The following FRYL variants were observed in gnomAD, a reference collection of about 807,000 sequenced individuals.
The protein encoded by FRYL is FRY like transcription coactivator.
FRYL carries 150 observed loss-of-function variants against 351.2 expected under a neutral mutation model. That is an observed-to-expected ratio of 0.43 (90% CI 0.37 to 0.49). FRYL has a LOEUF of 0.49. Among genes scored for constraint, FRYL ranks in the 20% least tolerant of loss-of-function variants. FRYL has a pLI of 0.00. For synonymous variants in FRYL, 1,153 were observed against 1,257.1 expected, an observed-to-expected ratio of 0.92 and a Z score of 1.75; for missense variants, 3,036 against 3,619.3, an observed-to-expected ratio of 0.84 and a Z score of 4.13.
At chr4:48,626,620 C>T (rs1751880318) in intron 4 of FRYL, among the ~76,000 whole-genome samples, 1 of 152,020 alleles carries the variant, frequency 6.6e-6, no homozygotes. Context: ...TTTATAAGTA[C>T]ATGATAATTG....
intron 7 of FRYL, among the ~76,000 whole-genome samples, chr4:48,610,706 ATATATATTATATACATATAT>A (rs1434989615): frequency 6.9e-6 from 1 of 144,586 alleles, no homozygotes; most frequent in Non-Finnish European, 1.5e-5. Context: ...TATTATATAC[ATATATATTATATACATATAT>A]TATATACATG....
intron 56 of FRYL, among the ~76,000 whole-genome samples, chr4:48,513,448 A>G (rs1012805855): frequency 4.6e-5 from 7 of 152,222 alleles, no homozygotes; most frequent in African/African-American, 1.7e-4. Context: ...AAAAATGAAC[A>G]ATGGAAAAAG....
rs776530274 is a variant in FRYL at position 48,623,184 on chromosome 4, G to T, written c.121-5C>A. Reference sequence around the variant, plus strand: ...AGATCTGGACAATAGCTTCTCCTATGATTAAAAAAAACAAACATTAAAAAT... The same window carrying T: ...AGATCTGGACAATAGCTTCTCCTATTATTAAAAAAAACAAACATTAAAAAT... On this transcript the variant is annotated splice_polypyrimidine_tract_variant and splice_region_variant and intron_variant, in intron 4 of 63. Coordinates refer to ENST00000358350, the MANE Select transcript of FRYL (RefSeq NM_015030.2). 7.2e-6 allele frequency: 10 copies of T among 1,381,750 alleles called. No homozygotes were observed. Among genetic ancestry groups the T allele is most frequent in the Non-Finnish European group, 8.9e-6 (9 of 1,009,936 alleles). The allele number at this position is 1,381,750 out of a possible 1,614,324, so 85.6% of individuals were successfully genotyped here. A position where few individuals can be genotyped will look rare whatever the true frequency, so the allele number is the denominator to read the frequency against.
rs1250688371 is a variant in FRYL, at chr4:48,547,605, G to A, written c.5053C>T (p.His1685Tyr). The change falls in exon 41 of 64, where the codon CAC becomes TAC. Residue 1685 changes from histidine to tyrosine, a missense_variant. His to Tyr is a moderately conservative substitution (Grantham distance 83, BLOSUM62 2). Coordinates refer to ENST00000358350, the MANE Select transcript of FRYL (RefSeq NM_015030.2). ...PRVLTVKQVA[H>Y]LDYNFTAGIN... ...ATACCTGTGAAATTATAATCTAAGT[G>A]TGCAACTTGTTTGACTGTAAGCACC... 10 of 1,570,540 alleles carry A rather than the reference G, an allele frequency of 6.4e-6. No homozygotes were observed. The highest frequency in any genetic ancestry group is 8.7e-6 in the Non-Finnish European group (10 of 1,151,764).
intron 2 of FRYL, among the ~76,000 whole-genome samples, chr4:48,705,774 T>C (rs927508155): frequency 6.6e-6 from 1 of 152,164 alleles, no homozygotes; most frequent in African/African-American, 2.4e-5. Context: ...AACAGTATAG[T>C]ATTTCTGAGA....
chr4:48,599,706 G>A (rs1745319137), intron 13 of FRYL, among the ~76,000 whole-genome samples: 1 of 152,112 alleles, frequency 6.6e-6, no homozygotes, highest in South Asian at 2.1e-4. Flanking sequence ...CCGAAACACG[G>A]GTTACTTGTT....
intron 3 of FRYL, among the ~76,000 whole-genome samples, chr4:48,670,986 T>C (rs1762563905): frequency 1.3e-5 from 2 of 152,198 alleles, no homozygotes; most frequent in Admixed American, 1.3e-4. Flanking sequence ...CTGGATCCTA[T>C]ATAGTCACTC....
chr4:48,547,103 A>C (rs1731527104), intron 41 of FRYL, among the ~76,000 whole-genome samples: 1 of 152,230 alleles, frequency 6.6e-6, no homozygotes, highest in Non-Finnish European at 1.5e-5. Flanking sequence ...ATACCTTAAA[A>C]GTAAAAAACA....
intron 1 of FRYL, among the ~76,000 whole-genome samples, chr4:48,751,899 AC>A (rs1455756654): frequency 6.0e-5 from 9 of 150,526 alleles, no homozygotes; most frequent in Non-Finnish European, 1.0e-4. Flanking sequence ...CCTCCCCCAG[AC>A]CCATGGGATG....
Position 48,696,068 on chromosome 4 carries a change from C to T in FRYL, c.-203-11273G>A, listed in dbSNP as rs1766132941. Among the ~76,000 whole-genome samples the T allele has an allele frequency of 3.9e-5, 6 of 152,286 alleles. No individual in the cohort carries two copies. The South Asian group carries it at 1.2e-3, about 32-fold the overall frequency. ...CTGTGGAGAAATAGGAATGCTTTTACACTGTCGGTGGGAGGGTAAATTAGT... is the reference window on the plus strand; with the variant it reads ...CTGTGGAGAAATAGGAATGCTTTTATACTGTCGGTGGGAGGGTAAATTAGT... On this transcript the variant is annotated intron_variant, in intron 2 of 63. Coordinates refer to ENST00000358350, the MANE Select transcript of FRYL (RefSeq NM_015030.2).
At chr4:48,712,571 A>G (rs1406243915) in intron 1 of FRYL, among the ~76,000 whole-genome samples, 2 of 152,360 alleles carry the variant, frequency 1.3e-5, no homozygotes, top group East Asian at 3.9e-4. Flanking sequence ...TACTGTGTGA[A>G]AAGACCAAAT....
intron 1 of FRYL, among the ~76,000 whole-genome samples, chr4:48,751,818 T>C (rs990692625): frequency 8.8e-5 from 13 of 148,408 alleles, no homozygotes; most frequent in Admixed American, 7.7e-4. Context: ...TCCTCCCTTA[T>C]GCCTTGCTAA....
At chr4:48,750,135 TAA>T (rs573603384) in intron 1 of FRYL, among the ~76,000 whole-genome samples, 16 of 77,910 alleles carry the variant, frequency 2.1e-4, no homozygotes, top group Non-Finnish European at 2.9e-4. Context: ...CTCCATCTAT[TAA>T]AAAAAAAAAA....
At chr4:48,532,986 G>T (rs981702134) in intron 49 of FRYL, among the ~76,000 whole-genome samples, 4 of 152,104 alleles carry the variant, frequency 2.6e-5, no homozygotes, top group Non-Finnish European at 4.4e-5. Context: ...AGATTTTACA[G>T]AAAAATGTAG....
At chr4:48,548,599 CAG>C (rs1326904962) in intron 40 of FRYL, 89 bp downstream of exon 40, 1 of 720,638 alleles carries the variant, frequency 1.4e-6, no homozygotes, top group Non-Finnish European at 2.4e-6. Context: ...TAACAGGAAA[CAG>C]AAACACATAA....
In FRYL at chr4:48,760,782, T is replaced by A. The variant is rs183341445; in HGVS notation, c.-384+19296A>T. On this transcript the variant is annotated intron_variant, in intron 1 of 63. Coordinates refer to ENST00000358350, the MANE Select transcript of FRYL (RefSeq NM_015030.2). ...ACCTCCGCCTCCTGGATTCAAGTGA[T>A]TCTTATGCCTCAGCCTCTCGAGTAG... Among the ~76,000 whole-genome samples the A allele has an allele frequency of 1.4e-3, 215 of 152,310 alleles. 1 individual carries two copies. The highest frequency in any genetic ancestry group is 4.6e-3 in the African/African-American group (191 of 41,566).
At chr4:48,591,218 T>C (rs1481544411) in intron 16 of FRYL, among the ~76,000 whole-genome samples, 7 of 152,162 alleles carry the variant, frequency 4.6e-5, no homozygotes, top group Non-Finnish European at 2.9e-5. Context: ...CACACTAATT[T>C]ACTTATACCT....
chr4:48,677,037 T>G (rs1443137083), intron 3 of FRYL, among the ~76,000 whole-genome samples: 1 of 152,234 alleles, frequency 6.6e-6, no homozygotes, highest in Non-Finnish European at 1.5e-5. Context: ...CAGTATTTAG[T>G]AGTGTGCTCT....
intron 7 of FRYL, among the ~76,000 whole-genome samples, chr4:48,616,030 C>T (rs1202512411): frequency 1.3e-5 from 2 of 151,806 alleles, no homozygotes; most frequent in Non-Finnish European, 2.9e-5. Context: ...CACATGGACA[C>T]AGGGAGGGGA....
Sources: gnomAD v4.1 joint callset for allele counts (sites outside exome capture counted in the v4.1 genomes callset) on GRCh38, gnomAD v4.1.1 for gene constraint, MANE v1.5 for transcripts, NCBI Gene and HGNC (gene_info 2026-07-23, HGNC 2026-07-21) for gene names.